Variants in CECR2 observed in about 807,000 individuals in gnomAD.
CECR2 encodes the protein CECR2 histone acetyl-lysine reader, also known as chromatin remodeling regulator CECR2.
In CECR2, 30 loss-of-function variants were observed where a neutral mutation model predicts 154.5. That is an observed-to-expected ratio of 0.19 (90% CI 0.15 to 0.26). CECR2 has a LOEUF of 0.26. Ranked by LOEUF, CECR2 falls within the 10% of genes least tolerant of loss-of-function variation. The probability of loss-of-function intolerance (pLI) is 1.00; values close to 1 mark genes in which losing one functional copy is unlikely to be tolerated. For missense variants in CECR2, 1,743 were observed against 1,829.3 expected, an observed-to-expected ratio of 0.95 and a Z score of 0.86; for synonymous variants, 725 against 683.7, an observed-to-expected ratio of 1.06 and a Z score of -0.94.
At chr22:17,506,314 G>A (rs769370516) in intron 7 of CECR2, among the ~76,000 whole-genome samples, 3 of 151,570 alleles carry the variant, frequency 2.0e-5, no homozygotes, top group South Asian at 2.1e-4. Flanking sequence ...TTATCTGTGC[G>A]TAGGGTTTCC....
intron 1 of CECR2, among the ~76,000 whole-genome samples, chr22:17,416,234 G>A (rs2059528621): frequency 6.6e-6 from 1 of 152,196 alleles, no homozygotes; most frequent in Admixed American, 6.5e-5. Flanking sequence ...GAAAGGAGCA[G>A]TGATTTATAT....
chr22:17,447,330 T>G (rs2054688559), intron 1 of CECR2, among the ~76,000 whole-genome samples: 2 of 152,004 alleles, frequency 1.3e-5, no homozygotes, highest in Admixed American at 6.6e-5. Context: ...TTTTTTGTAT[T>G]TTTTAGTAGA....
chr22:17,514,397 G>A (rs375751067), intron 8 of CECR2, among the ~76,000 whole-genome samples: 3 of 152,200 alleles, frequency 2.0e-5, no homozygotes, highest in East Asian at 1.9e-4. Context: ...CTGTTGAATC[G>A]TCCTTGACTG....
Position 17,540,461 on chromosome 22 carries a change from G to A in CECR2, c.1545G>A (p.Met515Ile). The A allele has an allele frequency of 6.3e-7, 1 of 1,595,056 alleles. No homozygotes were observed. The highest frequency in any genetic ancestry group is 8.5e-7 in the Non-Finnish European group (1 of 1,169,666). The change falls in exon 14 of 19, where the codon ATG becomes ATA. Residue 515 changes from methionine (M) to isoleucine (I), a missense_variant. By Grantham distance (10) the Met-to-Ile change is conservative. Around this residue, in one of 4 missense-constraint regions of CECR2, gnomAD observed 103 missense variants for 166.8 expected, o/e 0.62. Transcript: ENST00000262608. The stretch of plus-strand genomic sequence containing the variant: ...TAGAGAGGTGTTTCCATCGGGCAAT[G>A]ATGAAACATTTTCCTGGAGAAGATG... ...DNLERCFHRA[M>I]MKHFPGEDGD...
chr22:17,453,548 G>A (rs755443299), intron 1 of CECR2, among the ~76,000 whole-genome samples: 6 of 152,058 alleles, frequency 3.9e-5, no homozygotes, highest in Non-Finnish European at 7.4e-5. Flanking sequence ...TGAGGGTGTC[G>A]GTTTCCTTAA....
In CECR2 at chr22:17,465,212, G is replaced by A. The variant is rs576915727; in HGVS notation, c.127-12376G>A. ...GGGGTTTCACCGTGTTAGCCAGGAT[G>A]GTCTTGATCTCCTGACCTCGTGATC... On this transcript the variant is annotated intron_variant, in intron 1 of 18. Transcript: ENST00000262608. Among the ~76,000 whole-genome samples the A allele has an allele frequency of 2.0e-5, 3 of 152,158 alleles. No individual in the cohort carries two copies. In the East Asian group the frequency reaches 5.8e-4, roughly 30 times the overall value.
intron 7 of CECR2, among the ~76,000 whole-genome samples, chr22:17,511,604 G>C (rs2055954700): frequency 2.0e-5 from 3 of 151,498 alleles, no homozygotes; most frequent in Admixed American, 2.0e-4. Context: ...TTGTCTCCAA[G>C]TTTTTGTTTT....
At chr22:17,404,442 C>T (rs1256054609) in intron 1 of CECR2, among the ~76,000 whole-genome samples, 8 of 96,658 alleles carry the variant, frequency 8.3e-5, no homozygotes, top group Admixed American at 1.3e-4. Flanking sequence ...GGCGGGATCT[C>T]GGCTCACTGC....
At chr22:17,505,719 G>A (rs2055830345) in intron 7 of CECR2, among the ~76,000 whole-genome samples, 1 of 149,660 alleles carries the variant, frequency 6.7e-6, no homozygotes, top group South Asian at 2.1e-4. Context: ...TGTGTTTTTA[G>A]TAGAGACAGG....
In CECR2 at chr22:17,549,459, G is replaced by A. The variant is rs555429495; in HGVS notation, c.4172G>A (p.Arg1391His). 17 of 1,611,778 alleles carry A rather than the reference G, an allele frequency of 1.1e-5. No homozygotes were observed. The East Asian group carries it at 2.0e-4, about 19-fold the overall frequency. The change falls in exon 17 of 19, where the codon CGC becomes CAC. Residue 1391 changes from arginine to histidine, a missense_variant. This residue lies in a region of CECR2 where 1,250 missense variants were observed against 1,192.1 expected (regional missense o/e 1.05). Transcript: ENST00000262608. ...NGLSQEGPIY[R>H]CQEEGLGHFQ... ...CTCTCTCAGGAGGGTCCCATCTATC[G>A]CTGCCAGGAAGAAGGCCTGGGTCAC...
At chr22:17,437,482 AGCTTATTGGAACTCACATACG>A (rs1472348452) in intron 1 of CECR2, among the ~76,000 whole-genome samples, 1 of 152,014 alleles carries the variant, frequency 6.6e-6, no homozygotes, top group East Asian at 1.9e-4. Context: ...TTTAAATTCC[AGCTTATTGGAACTCACATACG>A]TACACTTCCT....
chr22:17,362,995 C>A (rs2062984626), intron 1 of CECR2, among the ~76,000 whole-genome samples: 1 of 150,656 alleles, frequency 6.6e-6, no homozygotes, highest in East Asian at 1.9e-4. Context: ...TAACCCTGGT[C>A]TCCATCCTGT....
intron 1 of CECR2, among the ~76,000 whole-genome samples, chr22:17,469,590 A>AT (rs1449509062): frequency 3.8e-5 from 4 of 106,402 alleles, no homozygotes; most frequent in Non-Finnish European, 7.1e-5. Flanking sequence ...TGATGATAAC[A>AT]TTGTTTTTTT....
chr22:17,487,861 A>G (rs796794690), intron 2 of CECR2, among the ~76,000 whole-genome samples: 14 of 149,598 alleles, frequency 9.4e-5, no homozygotes, highest in East Asian at 6.0e-4. Context: ...TGTATATTCA[A>G]TTTTTCATGT....
At chr22:17,410,153 T>C (rs145100261) in intron 1 of CECR2, among the ~76,000 whole-genome samples, 2,917 of 151,782 alleles carry the variant, frequency 0.019, 96 homozygotes, top group African/African-American at 0.066. Context: ...AGCTAGTTTT[T>C]GTATTTTTAG....
At chr22:17,413,953 A>G (rs970501018) in intron 1 of CECR2, among the ~76,000 whole-genome samples, 9 of 148,298 alleles carry the variant, frequency 6.1e-5, no homozygotes, top group South Asian at 4.3e-4. Context: ...CTGGGATTAC[A>G]GGCGTGAACC....
At chr22:17,368,794 C>G (rs944568537), upstream of CECR2, among the ~76,000 whole-genome samples, 3 of 152,158 alleles carry the variant, frequency 2.0e-5, no homozygotes, top group African/African-American at 7.2e-5. Flanking sequence ...GGTTGGGGAT[C>G]GCTCTTCCCG....
chr22:17,510,253 GCATAATCC>G, intron 7 of CECR2, among the ~76,000 whole-genome samples: 1 of 152,128 alleles, frequency 6.6e-6, no homozygotes. Context: ...TGGTAAACTG[GCATAATCC>G]CTTTGGAAGG....
chr22:17,507,332 C>T (rs111431757), intron 7 of CECR2, among the ~76,000 whole-genome samples: 2,443 of 152,252 alleles, frequency 0.016, 64 homozygotes, highest in East Asian at 0.11. Context: ...AGTTCATGTA[C>T]GATAATTGCA....
Sources: allele counts gnomAD v4.1 joint callset (sites outside exome capture counted in the v4.1 genomes callset), GRCh38; gene constraint gnomAD v4.1.1; regional missense constraint gnomAD v4.1.1; transcripts MANE v1.5; gene names NCBI Gene and HGNC (gene_info 2026-07-23, HGNC 2026-07-21).